MTTP: variants seen among roughly 807,000 people sequenced by gnomAD.
The protein encoded by MTTP is microsomal triglyceride transfer protein, also known as microsomal triglyceride transfer protein large subunit.
MTTP carries 49 observed loss-of-function variants against 90.6 expected under a neutral mutation model. That is an observed-to-expected ratio of 0.54 (90% confidence interval 0.43 to 0.69). MTTP has a LOEUF of 0.69. Among genes scored for constraint, MTTP ranks in the 30% least tolerant of loss-of-function variants. The probability of loss-of-function intolerance (pLI) is 0.00; values close to 1 mark genes in which losing one functional copy is unlikely to be tolerated. For synonymous variants in MTTP, 347 were observed against 384.2 expected (o/e 0.90, Z 1.13); for missense variants, 945 against 1,067.5 (o/e 0.89, Z 1.60).
intron 15 of MTTP, 138 bp downstream of exon 15, chr4:99,613,278 G>C (rs1440968512): frequency 2.7e-6 from 2 of 734,602 alleles, no homozygotes; most frequent in Non-Finnish European, 4.8e-6. Context: ...TGGCCCTCTT[G>C]GTATTGGTCC....
chr4:99,585,316 A>C (rs901330182), intron 3 of MTTP, among the ~76,000 whole-genome samples: 2 of 152,100 alleles, frequency 1.3e-5, no homozygotes, highest in African/African-American at 4.8e-5. Flanking sequence ...TGAGGAACCA[A>C]AGTTAAGAAA....
Position 99,597,132 on chromosome 4 carries a change from T to G in MTTP, c.975T>G (p.Ala325=). 6.2e-7 allele frequency: 1 copy of G among 1,614,068 alleles called. No homozygotes were observed. ...CTGACAACCTTTCCAAGGCTGAGGC[T>G]GTCAGAAACTTCCTGGCCTTCATTC... ...LQPDNLSKAE[A]VRNFLAFIQH... Residue 325 remains alanine (A), a synonymous_variant, in exon 8 of 18, where the codon GCT becomes GCG. Transcript: ENST00000265517.
At chr4:99,598,897 A>C (rs1560620392) in intron 8 of MTTP, among the ~76,000 whole-genome samples, 1 of 152,060 alleles carries the variant, frequency 6.6e-6, no homozygotes, top group Non-Finnish European at 1.5e-5. Context: ...TCCTGACCTC[A>C]GGTGATCCAC....
intron 2 of MTTP, among the ~76,000 whole-genome samples, 195 bp downstream of exon 2, chr4:99,582,287 C>T (rs1333997845): frequency 6.6e-6 from 1 of 152,158 alleles, no homozygotes; most frequent in African/African-American, 2.4e-5. Context: ...GTTATTGCAA[C>T]AGACAATAGA....
In MTTP at chr4:99,594,788, C is replaced by T. The variant is rs1725512371; in HGVS notation, c.814C>T (p.Gln272Ter). Residue 272 changes from glutamine (Q) to a stop codon, truncating the protein, a stop_gained, in exon 7 of 18, where the codon CAG becomes TAG. Transcript: ENST00000265517. LOFTEE classifies it high-confidence loss of function. Reference sequence around the variant, plus strand: ...AGGCCCAAGATTGATGTCTGGAAAGCAGGCTGCAGCCATAATCAAAGCAGT... The same window carrying T: ...AGGCCCAAGATTGATGTCTGGAAAGTAGGCTGCAGCCATAATCAAAGCAGT... Reference protein sequence around the residue: ...EAGPRLMSGKQAAAIIKAVDS... With the variant: ...EAGPRLMSGK The T allele has an allele frequency of 6.2e-7, 1 of 1,613,924 alleles. No homozygotes were observed. The highest frequency in any genetic ancestry group is 1.7e-5 in the Admixed American group (1 of 59,982).
At position 99,621,208 on chromosome 4, in the gene MTTP, G is replaced by A; in HGVS notation, c.2490G>A (p.Met830Ile). The change falls in exon 17 of 18, where the codon ATG becomes ATA. Residue 830 changes from methionine (M) to isoleucine (I), a missense_variant. Met to Ile is a conservative substitution (Grantham distance 10). Coordinates refer to ENST00000265517, the MANE Select transcript of MTTP (RefSeq NM_001386140.1). Reference sequence around the variant, plus strand: ...ACCCATTCTTAGTTTGCATGCAGATGGACAAGGATGAAGCTCCATTCAGGT... The same window carrying A: ...ACCCATTCTTAGTTTGCATGCAGATAGACAAGGATGAAGCTCCATTCAGGT... ...SQYPFLVCMQ[M>I]DKDEAPFRQF... 1 of 1,614,014 alleles carries A rather than the reference G, an allele frequency of 6.2e-7. No homozygotes were observed. Among genetic ancestry groups the A allele is most frequent in the Non-Finnish European group, 8.5e-7 (1 of 1,179,922 alleles).
At chr4:99,621,268 C>A in intron 17 of MTTP, 37 bp downstream of exon 17, 1 of 1,603,064 alleles carries the variant, frequency 6.2e-7, no homozygotes, top group African/African-American at 1.3e-5. Flanking sequence ...CCAGGACCAT[C>A]CCCAGTGCAC....
intron 17 of MTTP, among the ~76,000 whole-genome samples, chr4:99,621,463 A>G (rs1726231983): frequency 6.6e-6 from 1 of 152,226 alleles, no homozygotes; most frequent in African/African-American, 2.4e-5. Flanking sequence ...GATAGTTATC[A>G]TATTCTAATC....
Position 99,590,164 on chromosome 4 carries a change from C to T in MTTP, c.501+414C>T, listed in dbSNP as rs534074144. 3.3e-5 allele frequency among the ~76,000 whole-genome samples: 5 copies of T among 152,142 alleles called. No homozygotes were observed. In the South Asian group the frequency reaches 6.2e-4, roughly 19 times the overall value. On this transcript the variant is annotated intron_variant, in intron 4 of 17. Coordinates refer to ENST00000265517, the MANE Select transcript of MTTP (RefSeq NM_001386140.1). ...AGGCTGGAGTGCAATGGCGCAATCT[C>T]GGCTCACTGCAACCTCTGCCTCCCA...
At chr4:99,566,320 AT>A (rs1560608824) in intron 1 of MTTP, among the ~76,000 whole-genome samples, 9 of 151,790 alleles carry the variant, frequency 5.9e-5, no homozygotes, top group East Asian at 1.9e-4. Context: ...AAAAAGAAAA[AT>A]AGGTTTTGAA....
intron 1 of MTTP, 79 bp downstream of exon 1, chr4:99,575,049 T>C: frequency 6.9e-7 from 1 of 1,454,270 alleles, no homozygotes; most frequent in Non-Finnish European, 9.6e-7. Flanking sequence ...TGTGTGTGTT[T>C]GTGTGAGTGA....
intron 1 of MTTP, among the ~76,000 whole-genome samples, chr4:99,580,693 T>A (rs1725087837): frequency 6.6e-6 from 1 of 151,358 alleles, no homozygotes; most frequent in Non-Finnish European, 1.5e-5. Flanking sequence ...AAAATGAGAC[T>A]AATAATAGTG....
At chr4:99,613,619 C>T (rs1397726224) in intron 15 of MTTP, among the ~76,000 whole-genome samples, 1 of 152,152 alleles carries the variant, frequency 6.6e-6, no homozygotes, top group Non-Finnish European at 1.5e-5. Context: ...GAGCCACATG[C>T]AAGAAATCAT....
intron 1 of MTTP, among the ~76,000 whole-genome samples, chr4:99,580,574 C>CAAAATAAAAAAAAAAAAAAAAAAAA: frequency 2.5e-5 from 1 of 39,898 alleles, no homozygotes; most frequent in South Asian, 1.7e-3. Flanking sequence ...GACTCTGTCT[C>CAAAATAAAAAAAAAAAAAAAAAAAA]AAAAAAAAAA....
chr4:99,616,956 G>C (rs773240359), intron 15 of MTTP, among the ~76,000 whole-genome samples: 30 of 152,132 alleles, frequency 2.0e-4, no homozygotes, highest in Non-Finnish European at 4.0e-4. Flanking sequence ...GGCCTCTGCT[G>C]GACTGGGTGG....
rs561968572 is a variant in MTTP at position 99,611,153 on chromosome 4, C to T, written c.1780C>T (p.Arg594Cys). ...RFEMPASKIV[R>C]RVLKEMVAHN... ...CCTCATATGTTGCAGCAAAATTGTCCGTCGAGTTCTGAAGGAAATGGTCGC... is the reference window on the plus strand; with the variant it reads ...CCTCATATGTTGCAGCAAAATTGTCTGTCGAGTTCTGAAGGAAATGGTCGC... The change falls in exon 13 of 18, where the codon CGT becomes TGT. Residue 594 changes from arginine to cysteine, a missense_variant. Arg to Cys is a radical substitution (Grantham distance 180, BLOSUM62 -3). Coordinates refer to ENST00000265517, the MANE Select transcript of MTTP (RefSeq NM_001386140.1). 16 of 1,613,634 alleles carry T rather than the reference C, an allele frequency of 9.9e-6. No individual in the cohort carries two copies. The highest frequency in any genetic ancestry group is 8.8e-5 in the South Asian group (8 of 91,060).
At chr4:99,574,651 G>A, upstream of MTTP, 1 of 704,828 alleles carries the variant, frequency 1.4e-6, no homozygotes, top group East Asian at 3.0e-5. Flanking sequence ...AACATTTAAA[G>A]TTTCCTCATT....
chr4:99,622,879 T>A lies in MTTP; in HGVS notation c.*31T>A. On this transcript the variant is annotated 3_prime_UTR_variant, in exon 18 of 18. Transcript: ENST00000265517. ...ACCTGTGATATTTTACTTGAATTTG[T>A]CTCCCCGAAAGGGACACAATGTGGC... is the stretch of plus-strand genomic sequence containing the variant. 6.2e-7 allele frequency: 1 copy of A among 1,608,200 alleles called. No individual in the cohort carries two copies. The highest frequency in any genetic ancestry group is 8.5e-7 in the Non-Finnish European group (1 of 1,174,660).
chr4:99,565,601 C>T (rs1442487343), intron 1 of MTTP, among the ~76,000 whole-genome samples: 5 of 152,110 alleles, frequency 3.3e-5, no homozygotes, highest in African/African-American at 7.2e-5. Flanking sequence ...ACAGAAATGA[C>T]GAAATCATGC....
Sources: gnomAD v4.1 joint callset for allele counts (sites outside exome capture counted in the v4.1 genomes callset) on GRCh38, gnomAD v4.1.1 for gene constraint, MANE v1.5 for transcripts, NCBI Gene and HGNC (gene_info 2026-07-23, HGNC 2026-07-21) for gene names.